NELL1: variants seen among roughly 807,000 people sequenced by gnomAD.
NELL1 encodes protein kinase C-binding protein NELL1.
In NELL1, 76 loss-of-function variants were observed where a neutral mutation model predicts 107.4. The ratio of observed to expected loss-of-function variants is 0.71; its 90% CI spans 0.59 to 0.86. NELL1 has a LOEUF of 0.86. NELL1 is among the 40% of genes least tolerant of loss of function. NELL1 has a pLI of 0.00. For synonymous variants in NELL1, 353 were observed against 341.2 expected (o/e 1.03, Z -0.38); for missense variants, 1,024 against 1,005.5 (o/e 1.02, Z -0.25).
chr11:20,964,352 G>A (rs1851348608), intron 12 of NELL1, among the ~76,000 whole-genome samples: 1 of 152,098 alleles, frequency 6.6e-6, no homozygotes, highest in African/African-American at 2.4e-5. Flanking sequence ...TTACTTAGAA[G>A]CATAAAGAAC....
At chr11:21,513,102 C>T (rs1432046940) in intron 15 of NELL1, among the ~76,000 whole-genome samples, 1 of 152,148 alleles carries the variant, frequency 6.6e-6, no homozygotes, top group Non-Finnish European at 1.5e-5. Flanking sequence ...CCAGGCAGCC[C>T]TACTGAAGTT....
chr11:20,886,546 A>C (rs1366256264), intron 5 of NELL1, among the ~76,000 whole-genome samples: 1 of 152,168 alleles, frequency 6.6e-6, no homozygotes, highest in Non-Finnish European at 1.5e-5. Flanking sequence ...AGAAAGCCAG[A>C]GGGGTATCAG....
chr11:21,036,296 TGGTC>T (rs1364542591), intron 12 of NELL1, among the ~76,000 whole-genome samples: 1 of 152,156 alleles, frequency 6.6e-6, no homozygotes, highest in Admixed American at 6.5e-5. Flanking sequence ...ATCATTAAAA[TGGTC>T]ATACTGCCCA....
chr11:20,687,884 TG>T (rs946920647), intron 2 of NELL1, among the ~76,000 whole-genome samples: 3 of 152,094 alleles, frequency 2.0e-5, no homozygotes, highest in African/African-American at 7.2e-5. Flanking sequence ...TGAGCCACCA[TG>T]CCTGGCCTTC....
At chr11:21,523,543 G>T (rs1466496083) in intron 15 of NELL1, among the ~76,000 whole-genome samples, 1 of 151,964 alleles carries the variant, frequency 6.6e-6, no homozygotes, top group East Asian at 1.9e-4. Context: ...CTTCAGCTTT[G>T]GATAATTTCA....
intron 11 of NELL1, among the ~76,000 whole-genome samples, chr11:20,957,096 G>C (rs1302608451): frequency 2.0e-5 from 3 of 152,296 alleles, no homozygotes; most frequent in African/African-American, 7.2e-5. Flanking sequence ...CGAGTCTCTG[G>C]TGGTTTAAAA....
At chr11:20,907,607 T>C (rs2134141941) in intron 5 of NELL1, among the ~76,000 whole-genome samples, 1 of 152,276 alleles carries the variant, frequency 6.6e-6, no homozygotes, top group Non-Finnish European at 1.5e-5. Flanking sequence ...TTGGTGAGGT[T>C]GTGGAAAATT....
chr11:21,290,390 A>G (rs1393840024), intron 14 of NELL1, among the ~76,000 whole-genome samples: 1 of 83,988 alleles, frequency 1.2e-5, no homozygotes, highest in Non-Finnish European at 3.1e-5. Flanking sequence ...AAATAAATAA[A>G]ATAAATAGAT....
At chr11:21,355,608 A>G (rs1193186386) in intron 14 of NELL1, among the ~76,000 whole-genome samples, 3 of 152,210 alleles carry the variant, frequency 2.0e-5, no homozygotes, top group Non-Finnish European at 4.4e-5. Context: ...GTATGGAAGA[A>G]GTACTCAGGT....
chr11:21,159,732 C>T (rs1404945403), intron 13 of NELL1, among the ~76,000 whole-genome samples: 1 of 152,202 alleles, frequency 6.6e-6, no homozygotes, highest in East Asian at 1.9e-4. Flanking sequence ...ATACTGCTAA[C>T]AAATCTTGAG....
chr11:20,812,793 G>A (rs917638968), intron 3 of NELL1, among the ~76,000 whole-genome samples: 14 of 151,654 alleles, frequency 9.2e-5, no homozygotes, highest in African/African-American at 3.4e-4. Context: ...CGGATCACGA[G>A]GTCAGGAGAT....
intron 15 of NELL1, among the ~76,000 whole-genome samples, chr11:21,420,452 C>A (rs1259304002): frequency 6.6e-6 from 1 of 151,874 alleles, no homozygotes. Flanking sequence ...ATGGAAAATG[C>A]AAAACATGTC....
At chr11:21,500,491 T>G (rs1209372938) in intron 15 of NELL1, among the ~76,000 whole-genome samples, 1 of 152,148 alleles carries the variant, frequency 6.6e-6, no homozygotes, top group African/African-American at 2.4e-5. Flanking sequence ...AATTTATTAT[T>G]TGTCCTTTAT....
At chr11:21,214,310 A>G (rs570610234) in intron 13 of NELL1, among the ~76,000 whole-genome samples, 1 of 152,272 alleles carries the variant, frequency 6.6e-6, no homozygotes, top group East Asian at 1.9e-4. Context: ...CAGATTTAAA[A>G]TGCTCAACCT....
intron 11 of NELL1, among the ~76,000 whole-genome samples, chr11:20,957,225 C>T (rs1027758907): frequency 2.6e-5 from 4 of 152,174 alleles, no homozygotes; most frequent in Admixed American, 2.0e-4. Context: ...GAAAAATCCA[C>T]TCTGCCCAAA....
At chr11:21,402,125 C>G (rs758551398) in intron 15 of NELL1, among the ~76,000 whole-genome samples, 4 of 151,918 alleles carry the variant, frequency 2.6e-5, no homozygotes, top group East Asian at 3.9e-4. Flanking sequence ...CTAGTCCGTC[C>G]TTGCAGTTGT....
chr11:21,337,196 C>T (rs1850422274), intron 14 of NELL1, among the ~76,000 whole-genome samples: 1 of 151,994 alleles, frequency 6.6e-6, no homozygotes, highest in South Asian at 2.1e-4. Context: ...CTGGGGTGTA[C>T]TAGTCAGTCT....
At chr11:21,508,555 C>T (rs894693511) in intron 15 of NELL1, among the ~76,000 whole-genome samples, 13 of 151,956 alleles carry the variant, frequency 8.6e-5, no homozygotes, top group Non-Finnish European at 1.5e-4. Context: ...CAAAGTCAAT[C>T]GGAAAATTAC....
At chr11:21,030,321 G>C (rs1331867435) in intron 12 of NELL1, among the ~76,000 whole-genome samples, 1 of 152,160 alleles carries the variant, frequency 6.6e-6, no homozygotes, top group Non-Finnish European at 1.5e-5. Flanking sequence ...TGTATGGGTA[G>C]TTTGCACTTT....
Sources: allele counts gnomAD v4.1 joint callset (sites outside exome capture counted in the v4.1 genomes callset), GRCh38; gene constraint gnomAD v4.1.1; transcripts MANE v1.5; gene names NCBI Gene and HGNC (gene_info 2026-07-23, HGNC 2026-07-21).